IFNGR1: variants seen among roughly 807,000 people sequenced by gnomAD.
IFNGR1 encodes interferon gamma receptor 1.
In IFNGR1, 23 loss-of-function variants were observed where a neutral mutation model predicts 35.4. That is an observed-to-expected ratio of 0.65 (90% CI 0.47 to 0.92). The LOEUF is 0.92. IFNGR1 is among the 40% of genes least tolerant of loss of function. The pLI, the probability that IFNGR1 is intolerant of heterozygous loss-of-function variation, is 0.00. For missense variants in IFNGR1, 533 were observed against 583.4 expected, an observed-to-expected ratio of 0.91 and a Z score of 0.89; for synonymous variants, 199 against 209.5, an observed-to-expected ratio of 0.95 and a Z score of 0.43.
chr6:137,200,833 A>G (rs1779259965), intron 6 of IFNGR1, 48 bp downstream of exon 6: 1 of 1,370,892 alleles, frequency 7.3e-7, no homozygotes, highest in Non-Finnish European at 1.0e-6. Context: ...CTATCAAAAA[A>G]GGTTCAAGTT....
intron 1 of IFNGR1, among the ~76,000 whole-genome samples, chr6:137,214,218 T>A (rs183162077): frequency 2.6e-4 from 39 of 152,360 alleles, no homozygotes; most frequent in African/African-American, 9.1e-4. Flanking sequence ...AGGTTTCATC[T>A]GCACAGCAAA....
chr6:137,204,463 T>C lies in IFNGR1; in HGVS notation c.415A>G (p.Lys139Glu), dbSNP rs1562285874. Residue 139 changes from lysine to glutamate, a missense_variant, in exon 4 of 7, where the codon AAG becomes GAG. Transcript: ENST00000367739. ...TGAAATATGTCAATCATGATTTGCT[T>C]CTCCTCCTTTCTGATATCCAGTTTA... ...PPKLDIRKEE[K>E]QIMIDIFHPS... 2 of 1,613,874 alleles carry C rather than the reference T, an allele frequency of 1.2e-6. No homozygotes were observed. Among genetic ancestry groups the C allele is most frequent in the African/African-American group, 2.7e-5 (2 of 74,922 alleles).
At chr6:137,210,505 AT>A (rs1434247535) in intron 1 of IFNGR1, among the ~76,000 whole-genome samples, 1 of 152,182 alleles carries the variant, frequency 6.6e-6, no homozygotes, top group Non-Finnish European at 1.5e-5. Flanking sequence ...ATTAAACATG[AT>A]TTACTTATAT....
chr6:137,208,220 A>G lies in IFNGR1; in HGVS notation c.86-1143T>C, dbSNP rs142868658. 1.1e-3 allele frequency among the ~76,000 whole-genome samples: 172 copies of G among 152,350 alleles called. 1 individual carries two copies. The highest frequency in any genetic ancestry group is 3.8e-3 in the African/African-American group (156 of 41,594). On this transcript the variant is annotated intron_variant, in intron 1 of 6. Coordinates refer to ENST00000367739, the MANE Select transcript of IFNGR1 (RefSeq NM_000416.3). ...AAGTGACTTGCGTGCTGTTAAAGGC[A>G]TTCAGTTTTATAAGGGAAGCAGAGC...
chr6:137,211,861 A>C (rs1052695611), intron 1 of IFNGR1, among the ~76,000 whole-genome samples: 1 of 152,182 alleles, frequency 6.6e-6, no homozygotes, highest in Non-Finnish European at 1.5e-5. Flanking sequence ...TCACACATAT[A>C]AATATACTTT....
Position 137,198,193 on chromosome 6 carries a change from A to C in IFNGR1, c.1308T>G (p.Gly436=). ...GCTCTTGTCCTTCTGTTTTTATTTC[A>C]CCTTTATTATTTGGGGGAAATTCTG... ...SDSEFPPNNK[G]EIKTEGQELI... is the part of the protein sequence containing the mutation. The change falls in exon 7 of 7, where the codon GGT becomes GGG. Residue 436 remains glycine, a synonymous_variant. Coordinates refer to ENST00000367739, the MANE Select transcript of IFNGR1 (RefSeq NM_000416.3). 6.2e-7 allele frequency: 1 copy of C among 1,613,910 alleles called. No homozygotes were observed. The highest frequency in any genetic ancestry group is 8.5e-7 in the Non-Finnish European group (1 of 1,179,970).
chr6:137,214,431 T>C (rs1779644224), intron 1 of IFNGR1, among the ~76,000 whole-genome samples: 1 of 152,220 alleles, frequency 6.6e-6, no homozygotes, highest in Admixed American at 6.5e-5. Context: ...TACAGACATT[T>C]TGATAATTCT....
At position 137,206,238 on chromosome 6, in the gene IFNGR1, C is replaced by T. The variant is rs1219026744; in HGVS notation, c.271G>A (p.Val91Ile). ...CAAAGAGAATTTGATGGATCACCAACATGATCAGAAATATTACAATAATGA... is the reference window on the plus strand; with the variant it reads ...CAAAGAGAATTTGATGGATCACCAATATGATCAGAAATATTACAATAATGA... Reference protein sequence around the residue: ...SHHYCNISDHVGDPSNSLWVR... With the variant: ...SHHYCNISDHIGDPSNSLWVR... The change falls in exon 3 of 7, where the codon GTT (valine) becomes ATT (isoleucine). Residue 91 changes from valine to isoleucine, a missense_variant. Physicochemically the swap from Val to Ile is conservative, Grantham distance 29. Transcript: ENST00000367739. The T allele has an allele frequency of 6.2e-7, 1 of 1,610,388 alleles. No homozygotes were observed. The highest frequency in any genetic ancestry group is 1.3e-5 in the African/African-American group (1 of 74,952).
chr6:137,200,177 A>G (rs2114459213), intron 6 of IFNGR1, among the ~76,000 whole-genome samples: 1 of 152,304 alleles, frequency 6.6e-6, no homozygotes, highest in East Asian at 1.9e-4. Context: ...CTAACTGTTG[A>G]GAGTTCTTAT....
rs1779358756 is a variant in IFNGR1 at position 137,203,831 on chromosome 6, A to G, written c.547-146T>C. 7.2e-6 allele frequency: 5 copies of G among 698,922 alleles called. No homozygotes were observed. In the Admixed American group the frequency reaches 1.0e-4, roughly 15 times the overall value. The allele number at this position is 698,922 out of a possible 1,614,324, so 43.3% of individuals were successfully genotyped here. A position where few individuals can be genotyped will look rare whatever the true frequency, so the allele number is the denominator to read the frequency against. ...TCTAAAAATAGCTTTACTATCAATA[A>G]GTCAATTTGTTACTTCAACACAGCA... On this transcript the variant is annotated intron_variant, in intron 4 of 6. Coordinates refer to ENST00000367739, the MANE Select transcript of IFNGR1 (RefSeq NM_000416.3).
At position 137,204,421 on chromosome 6, in the gene IFNGR1, T is replaced by C. The variant is rs764446241; in HGVS notation, c.457A>G (p.Asn153Asp). The change falls in exon 4 of 7, where the codon AAT becomes GAT. Residue 153 changes from asparagine to aspartate, a missense_variant. Physicochemically the swap from Asn to Asp is conservative, Grantham distance 23. Transcript: ENST00000367739. ...TAATCGACTTCCTGCTCGTCTCCAT[T>C]TACAAAAACTGAAGGGTGAAATATG... is the stretch of plus-strand genomic sequence containing the variant. ...IDIFHPSVFV[N>D]GDEQEVDYDP... The C allele has an allele frequency of 2.5e-6, 4 of 1,613,950 alleles. No individual in the cohort carries two copies. In the South Asian group the frequency reaches 4.4e-5, roughly 18 times the overall value.
intron 3 of IFNGR1, among the ~76,000 whole-genome samples, chr6:137,205,352 AG>A (rs1277645365): frequency 6.6e-6 from 1 of 152,194 alleles, no homozygotes; most frequent in East Asian, 1.9e-4. Flanking sequence ...TCTTTTACCC[AG>A]GAGTCAGGGT....
rs1023656962 is a variant in IFNGR1, at chr6:137,198,236, T to C, written c.1265A>G (p.His422Arg). ...FDTDSSCLES[H>R]SSLSDSEFPP... The stretch of plus-strand genomic sequence containing the variant: ...AAATTCTGAGTCAGATAAGGAGCTA[T>C]GTGATTCCAGACAGCTGGAATCAGT... The change falls in exon 7 of 7, where the codon CAT (histidine) becomes CGT (arginine). Residue 422 changes from histidine to arginine, a missense_variant. His to Arg is a conservative substitution (Grantham distance 29). Coordinates refer to ENST00000367739, the MANE Select transcript of IFNGR1 (RefSeq NM_000416.3). The C allele has an allele frequency of 1.9e-6, 3 of 1,614,048 alleles. No homozygotes were observed. In the Admixed American group the frequency reaches 5.0e-5, roughly 27 times the overall value.
intron 6 of IFNGR1, among the ~76,000 whole-genome samples, chr6:137,199,288 A>G (rs1355283131): frequency 7.4e-5 from 10 of 135,726 alleles, no homozygotes; most frequent in Non-Finnish European, 1.5e-4. Flanking sequence ...ATATATATAT[A>G]TGAAAAATAT....
chr6:137,206,037 TG>T (rs1463964949), intron 3 of IFNGR1, 98 bp downstream of exon 3: 4 of 959,460 alleles, frequency 4.2e-6, no homozygotes, highest in Middle Eastern at 2.1e-4. Flanking sequence ...TCTTAAGCAT[TG>T]TGATAATTTT....
rs1562282169 is a variant in IFNGR1 at position 137,198,226 on chromosome 6, T to G, written c.1275A>C (p.Leu425Phe). 6.2e-7 allele frequency: 1 copy of G among 1,614,040 alleles called. No individual in the cohort carries two copies. Reference protein sequence around the residue: ...DSSCLESHSSLSDSEFPPNNK... With the variant: ...DSSCLESHSSFSDSEFPPNNK... ...TATTTGGGGGAAATTCTGAGTCAGATAAGGAGCTATGTGATTCCAGACAGC... is the reference window on the plus strand; with the variant it reads ...TATTTGGGGGAAATTCTGAGTCAGAGAAGGAGCTATGTGATTCCAGACAGC... The change falls in exon 7 of 7, where the codon TTA becomes TTC. Residue 425 changes from leucine (L) to phenylalanine (F), a missense_variant. By Grantham distance (22) the Leu-to-Phe change is conservative. Coordinates refer to ENST00000367739, the MANE Select transcript of IFNGR1 (RefSeq NM_000416.3).
chr6:137,206,900 T>C, intron 2 of IFNGR1, 63 bp downstream of exon 2: 3 of 1,251,134 alleles, frequency 2.4e-6, no homozygotes, highest in Non-Finnish European at 3.5e-6. Context: ...AACACAGTTG[T>C]GGAATTTCCA....
Position 137,206,215 on chromosome 6 carries a change from A to G in IFNGR1, c.294T>C (p.Leu98=), listed in dbSNP as rs1444199604. 6.2e-7 allele frequency: 1 copy of G among 1,613,774 alleles called. No individual in the cohort carries two copies. The highest frequency in any genetic ancestry group is 8.5e-7 in the Non-Finnish European group (1 of 1,179,648). ...CAACCCTGGCTTTAACTCTGACCCA[A>G]AGAGAATTTGATGGATCACCAACAT... ...SDHVGDPSNS[L]WVRVKARVGQ... is the part of the protein sequence containing the mutation. Residue 98 remains leucine, a synonymous_variant, in exon 3 of 7, where the codon CTT becomes CTC. Coordinates refer to ENST00000367739, the MANE Select transcript of IFNGR1 (RefSeq NM_000416.3).
chr6:137,208,845 AC>A (rs1388589171), intron 1 of IFNGR1, among the ~76,000 whole-genome samples: 4 of 152,290 alleles, frequency 2.6e-5, no homozygotes, highest in African/African-American at 9.6e-5. Context: ...GAAGAGGGCC[AC>A]CATCCTCCAG....
Sources: gnomAD v4.1 joint callset for allele counts (sites outside exome capture counted in the v4.1 genomes callset) on GRCh38, gnomAD v4.1.1 for gene constraint, MANE v1.5 for transcripts, NCBI Gene and HGNC (gene_info 2026-07-23, HGNC 2026-07-21) for gene names.